Variants in SULT4A1 observed in about 807,000 individuals in gnomAD.
The protein encoded by SULT4A1 is sulfotransferase 4A1.
SULT4A1 carries 11 observed loss-of-function variants against 35.2 expected under a neutral mutation model. The ratio of observed to expected loss-of-function variants is 0.31; its 90% CI spans 0.20 to 0.52. The LOEUF (loss-of-function observed/expected upper bound fraction) is 0.52, where lower values mean the gene tolerates loss of function less well. Ranked by LOEUF, SULT4A1 falls within the 20% of genes least tolerant of loss-of-function variation. The pLI is 0.97. For missense variants in SULT4A1, 271 were observed against 383.7 expected (o/e 0.71, Z 2.45); for synonymous variants, 152 against 151.8 (o/e 1.00, Z -0.01).
chr22:43,846,002 G>A (rs1396902938), intron 1 of SULT4A1, among the ~76,000 whole-genome samples: 6 of 152,138 alleles, frequency 3.9e-5, no homozygotes, highest in South Asian at 2.1e-4. Context: ...TCAACCCAGC[G>A]GCCAAAACTG....
In SULT4A1 at chr22:43,841,869, C is replaced by G. The variant is rs1287648601; in HGVS notation, c.233G>C (p.Gly78Ala). 6.2e-7 allele frequency: 1 copy of G among 1,614,076 alleles called. No individual in the cohort carries two copies. The highest frequency in any genetic ancestry group is 8.5e-7 in the Non-Finnish European group (1 of 1,179,946). The change falls in exon 2 of 7, where the codon GGC (glycine) becomes GCC (alanine). Residue 78 changes from glycine (G) to alanine (A), a missense_variant. By Grantham distance (60) the Gly-to-Ala change is moderately conservative. Around this residue, in one of 3 missense-constraint regions of SULT4A1, gnomAD observed 164 missense variants for 254.1 expected, o/e 0.65. Coordinates refer to ENST00000330884, the MANE Select transcript of SULT4A1 (RefSeq NM_014351.4). The stretch of plus-strand genomic sequence containing the variant: ...GAGCTGCTCGTCGATGTTCATCAAG[C>G]CGATCTCATCGGGGTCAGCGCCCTG... ...VSQGADPDEI[G>A]LMNIDEQLPV... is the part of the protein sequence containing the mutation.
chr22:43,827,601 C>T, intron 6 of SULT4A1: 1 of 1,366,468 alleles, frequency 7.3e-7, no homozygotes, highest in Non-Finnish European at 9.8e-7. Flanking sequence ...CCTGCATTCT[C>T]ACCAACTCAA....
intron 1 of SULT4A1, among the ~76,000 whole-genome samples, chr22:43,842,642 G>A (rs1056330927): frequency 1.3e-5 from 2 of 152,188 alleles, no homozygotes; most frequent in East Asian, 1.9e-4. Context: ...AGGATGTGAC[G>A]GAGTCCTCCC....
chr22:43,849,842 G>A (rs951532917), intron 1 of SULT4A1, among the ~76,000 whole-genome samples: 4 of 152,212 alleles, frequency 2.6e-5, no homozygotes, highest in South Asian at 2.1e-4. Flanking sequence ...GGGGCCCACT[G>A]AGCTGGTAAC....
chr22:43,836,004 G>A (rs2063368961), intron 4 of SULT4A1, among the ~76,000 whole-genome samples: 1 of 152,242 alleles, frequency 6.6e-6, no homozygotes, highest in African/African-American at 2.4e-5. Context: ...TGGGCTCCAC[G>A]CTGCTCTGTG....
intron 1 of SULT4A1, among the ~76,000 whole-genome samples, chr22:43,855,995 C>G (rs376284830): frequency 6.6e-6 from 1 of 152,170 alleles, no homozygotes; most frequent in African/African-American, 2.4e-5. Flanking sequence ...CAAGGGTGAG[C>G]CCATGTGACA....
intron 6 of SULT4A1, chr22:43,826,328 C>A: frequency 1.0e-6 from 1 of 985,378 alleles, no homozygotes; most frequent in Non-Finnish European, 1.2e-6. Flanking sequence ...TGACCTGAAC[C>A]AGCTTCCCTC....
At chr22:43,849,287 G>A (rs1464085999) in intron 1 of SULT4A1, among the ~76,000 whole-genome samples, 3 of 152,182 alleles carry the variant, frequency 2.0e-5, no homozygotes, top group African/African-American at 7.2e-5. Flanking sequence ...ATAGGGACAG[G>A]GGGCAGGGAA....
At position 43,839,972 on chromosome 22, in the gene SULT4A1, G is replaced by A. The variant is rs748233312; in HGVS notation, c.354C>T (p.Pro118=). The change falls in exon 3 of 7, where the codon CCC becomes CCT. Residue 118 remains proline, a synonymous_variant. Transcript: ENST00000330884. ...IKSHLPYRFL[P]SDLHNGDSKV... ...TGGAGTCTCCATTGTGGAGGTCAGA[G>A]GGCAGAAAGCGGTAGGGCAGGTGGC... The A allele has an allele frequency of 6.2e-7, 1 of 1,610,468 alleles. No homozygotes were observed. Among genetic ancestry groups the A allele is most frequent in the Middle Eastern group, 1.7e-4 (1 of 6,060 alleles).
At chr22:43,854,714 C>T (rs954883285) in intron 1 of SULT4A1, among the ~76,000 whole-genome samples, 31 of 152,188 alleles carry the variant, frequency 2.0e-4, no homozygotes, top group Non-Finnish European at 4.6e-4. Context: ...CACCTGCCCC[C>T]CACACGCCAA....
At chr22:43,835,703 A>C (rs2063365443) in intron 4 of SULT4A1, among the ~76,000 whole-genome samples, 1 of 152,206 alleles carries the variant, frequency 6.6e-6, no homozygotes, top group Non-Finnish European at 1.5e-5. Context: ...GGCCCTGTGA[A>C]CACGGAAGGT....
chr22:43,842,218 G>A (rs60278618), intron 1 of SULT4A1, among the ~76,000 whole-genome samples: 3,325 of 152,310 alleles, frequency 0.022, 132 homozygotes, highest in African/African-American at 0.077. Context: ...AAGTGGCTCA[G>A]GGGCTGTAAC....
chr22:43,846,931 A>C (rs2063480562), intron 1 of SULT4A1, among the ~76,000 whole-genome samples: 1 of 152,210 alleles, frequency 6.6e-6, no homozygotes. Flanking sequence ...CGACCCAGAC[A>C]GACCTTCTCT....
intron 4 of SULT4A1, among the ~76,000 whole-genome samples, chr22:43,838,308 CT>C (rs2063393842): frequency 6.6e-6 from 1 of 152,274 alleles, no homozygotes; most frequent in Non-Finnish European, 1.5e-5. Context: ...GCACATGGCA[CT>C]CTCGGCCCGG....
chr22:43,837,519 T>G (rs544895168), intron 4 of SULT4A1, among the ~76,000 whole-genome samples: 1 of 152,074 alleles, frequency 6.6e-6, no homozygotes, highest in South Asian at 2.1e-4. Flanking sequence ...CAAGAGGCCA[T>G]GGGAAGAGGG....
intron 1 of SULT4A1, among the ~76,000 whole-genome samples, chr22:43,846,072 C>T (rs1415477241): frequency 2.0e-5 from 3 of 152,216 alleles, no homozygotes; most frequent in Admixed American, 6.5e-5. Flanking sequence ...GGCAGCTCTG[C>T]CTCCCACAGA....
intron 4 of SULT4A1, among the ~76,000 whole-genome samples, chr22:43,834,077 G>T (rs1287886326): frequency 6.6e-6 from 1 of 152,202 alleles, no homozygotes; most frequent in Non-Finnish European, 1.5e-5. Flanking sequence ...GAAGAACTGG[G>T]ACAGGGGCCG....
At chr22:43,829,300 C>T in intron 5 of SULT4A1, 102 bp from the exon 6 acceptor site, 2 of 1,302,352 alleles carry the variant, frequency 1.5e-6, no homozygotes, top group African/African-American at 1.5e-5. Context: ...TTACACACGG[C>T]CTTCCTTACT....
chr22:43,833,803 A>C, intron 4 of SULT4A1, 69 bp from the exon 5 acceptor site: 1 of 1,335,116 alleles, frequency 7.5e-7, no homozygotes. Flanking sequence ...GGCCATCCCC[A>C]CCCCACAGGG....
Sources: gnomAD v4.1 joint callset for allele counts (sites outside exome capture counted in the v4.1 genomes callset) on GRCh38, gnomAD v4.1.1 for gene constraint, gnomAD v4.1.1 regional missense constraint, MANE v1.5 for transcripts, NCBI Gene and HGNC (gene_info 2026-07-23, HGNC 2026-07-21) for gene names.